Variants in EGFR observed in about 807,000 individuals in gnomAD.
EGFR encodes avian erythroblastic leukemia viral (v-erb-b) oncogene homolog.
Under a neutral mutation model 143.0 loss-of-function variants are expected in EGFR, and 58 were observed. The observed-to-expected ratio is 0.41, with a 90% CI of 0.33 to 0.50. The LOEUF is 0.50. Among genes scored for constraint, EGFR ranks in the 20% least tolerant of loss-of-function variants. EGFR has a pLI of 0.39. For synonymous variants in EGFR, 613 were observed against 594.4 expected, an observed-to-expected ratio of 1.03 and a Z score of -0.45; for missense variants, 1,307 against 1,579.0, an observed-to-expected ratio of 0.83 and a Z score of 2.92.
intron 1 of EGFR, among the ~76,000 whole-genome samples, chr7:55,095,168 A>G (rs1249742772): frequency 6.6e-6 from 1 of 152,238 alleles, no homozygotes; most frequent in Non-Finnish European, 1.5e-5. Context: ...GAAAAGCTGC[A>G]GGTCCCGCAA....
intron 22 of EGFR, among the ~76,000 whole-genome samples, chr7:55,198,239 G>A (rs946540551): frequency 6.6e-6 from 1 of 152,056 alleles, no homozygotes; most frequent in Non-Finnish European, 1.5e-5. Flanking sequence ...TTATCAAATG[G>A]AACTTAAGCT....
intron 1 of EGFR, among the ~76,000 whole-genome samples, chr7:55,036,183 C>A (rs1173995109): frequency 6.9e-6 from 1 of 144,058 alleles, no homozygotes; most frequent in Non-Finnish European, 1.5e-5. Flanking sequence ...TTGAACAAAC[C>A]AGATACTTCC....
intron 1 of EGFR, among the ~76,000 whole-genome samples, chr7:55,131,501 C>T (rs1004856763): frequency 7.2e-5 from 11 of 152,274 alleles, no homozygotes; most frequent in Admixed American, 5.9e-4. Flanking sequence ...GACAAGATGA[C>T]GACGACTCAG....
rs373990043 is a variant in EGFR, at chr7:55,202,603, C to A, written c.3249C>A (p.Asp1083Glu). 6.2e-7 allele frequency: 1 copy of A among 1,613,248 alleles called. No individual in the cohort carries two copies. The highest frequency in any genetic ancestry group is 1.3e-5 in the African/African-American group (1 of 74,994). ...PTGALTEDSI[D>E]DTFLPVPEYI... ...GCGCCTTGACTGAGGACAGCATAGACGACACCTTCCTCCCAGTGCCTGGTG... is the reference window on the plus strand; with the variant it reads ...GCGCCTTGACTGAGGACAGCATAGAAGACACCTTCCTCCCAGTGCCTGGTG... Residue 1083 changes from aspartate to glutamate, a missense_variant, in exon 27 of 28, where the codon GAC becomes GAA. Asp to Glu is a conservative substitution (Grantham distance 45). Transcript: ENST00000275493.
intron 2 of EGFR, among the ~76,000 whole-genome samples, chr7:55,143,051 G>C (rs1053055462): frequency 1.3e-5 from 2 of 152,216 alleles, no homozygotes; most frequent in African/African-American, 4.8e-5. Flanking sequence ...AGGCATGAGA[G>C]CACAGTGTTC....
rs4947987 is a variant in EGFR, at chr7:55,157,477, G to C, written c.1208-186G>C. Among the ~76,000 whole-genome samples, 133,306 of 152,268 alleles carry C rather than the reference G, an allele frequency of 0.88. 58,534 individuals carry two copies. The highest frequency in any genetic ancestry group is 1 in the East Asian group (5,182 of 5,184). Reference sequence around the variant, plus strand: ...GGAAGGCGGGAGGCAGCTGTGAACTGTGGCTCGGCCTGCGTCCGCCCTGCG... The same window carrying C: ...GGAAGGCGGGAGGCAGCTGTGAACTCTGGCTCGGCCTGCGTCCGCCCTGCG... On this transcript the variant is annotated intron_variant, in intron 10 of 27. Transcript: ENST00000275493.
chr7:55,118,014 G>A (rs527953436), intron 1 of EGFR, among the ~76,000 whole-genome samples: 6 of 152,318 alleles, frequency 3.9e-5, no homozygotes, highest in African/African-American at 1.2e-4. Context: ...CAGACTCGGC[G>A]TGTCTATAAA....
intron 1 of EGFR, among the ~76,000 whole-genome samples, chr7:55,022,002 C>G (rs1390228366): frequency 6.6e-6 from 1 of 152,112 alleles, no homozygotes; most frequent in East Asian, 1.9e-4. Context: ...GTGCAAATGT[C>G]TAATGTCAGA....
At position 55,181,506 on chromosome 7, in the gene EGFR, G is replaced by A. The variant is rs142870179; in HGVS notation, c.2469+28G>A. On this transcript the variant is annotated intron_variant, in intron 20 of 27. Coordinates refer to ENST00000275493, the MANE Select transcript of EGFR (RefSeq NM_005228.5). ...AATCAGGGAAGGGAGATACGGGGAGGGGAGATAAGGAGCCAGGATCCTCAC... is the reference window on the plus strand; with the variant it reads ...AATCAGGGAAGGGAGATACGGGGAGAGGAGATAAGGAGCCAGGATCCTCAC... 1.2e-5 allele frequency: 20 copies of A among 1,614,016 alleles called. No homozygotes were observed. The South Asian group carries it at 1.8e-4, about 14-fold the overall frequency.
chr7:55,195,025 A>G (rs1210585355), intron 22 of EGFR, among the ~76,000 whole-genome samples: 1 of 152,168 alleles, frequency 6.6e-6, no homozygotes, highest in Non-Finnish European at 1.5e-5. Context: ...CCCATTCTCC[A>G]CCTAACACTG....
intron 1 of EGFR, among the ~76,000 whole-genome samples, chr7:55,081,792 T>C (rs962118005): frequency 2.6e-5 from 4 of 151,634 alleles, no homozygotes; most frequent in African/African-American, 4.9e-5. Flanking sequence ...ATTTACTCTG[T>C]AAGGAATTCT....
chr7:55,069,174 G>A (rs773622099), intron 1 of EGFR, among the ~76,000 whole-genome samples: 7 of 152,204 alleles, frequency 4.6e-5, no homozygotes, highest in Non-Finnish European at 8.8e-5. Flanking sequence ...AATGCTCTAT[G>A]GTTAATTTTT....
chr7:55,121,866 G>C (rs1462772028), intron 1 of EGFR, among the ~76,000 whole-genome samples: 6 of 152,168 alleles, frequency 3.9e-5, no homozygotes, highest in Non-Finnish European at 4.4e-5. Flanking sequence ...CAGTGACCTT[G>C]ACTGGGAATG....
At chr7:55,196,096 A>C (rs991447666) in intron 22 of EGFR, among the ~76,000 whole-genome samples, 2 of 151,116 alleles carry the variant, frequency 1.3e-5, no homozygotes, top group African/African-American at 4.9e-5. Flanking sequence ...ACTCTTTTCC[A>C]CAATAATTGA....
intron 1 of EGFR, among the ~76,000 whole-genome samples, chr7:55,102,192 C>T (rs534836725): frequency 6.6e-6 from 1 of 152,186 alleles, no homozygotes; most frequent in African/African-American, 2.4e-5. Flanking sequence ...AGAGCCTCAG[C>T]TCCCCACTCC....
chr7:55,031,417 G>C (rs533741582), intron 1 of EGFR, among the ~76,000 whole-genome samples: 17 of 152,326 alleles, frequency 1.1e-4, no homozygotes, highest in African/African-American at 4.1e-4. Flanking sequence ...TGATGAAGTG[G>C]GACAACATGA....
intron 1 of EGFR, among the ~76,000 whole-genome samples, chr7:55,036,271 T>TGTGGGGGGGGG (rs1414370413): frequency 4.5e-5 from 1 of 22,380 alleles, no homozygotes; most frequent in African/African-American, 1.8e-4. Context: ...TGTGTGTGTG[T>TGTGGGGGGGGG]GGGGGGGGGG....
At chr7:55,136,985 G>T (rs1794179548) in intron 1 of EGFR, among the ~76,000 whole-genome samples, 1 of 152,222 alleles carries the variant, frequency 6.6e-6, no homozygotes, top group South Asian at 2.1e-4. Context: ...GGTAGGGAAA[G>T]ATGGATAACA....
chr7:55,071,057 C>A (rs914695939), intron 1 of EGFR, among the ~76,000 whole-genome samples: 5 of 152,182 alleles, frequency 3.3e-5, no homozygotes, highest in African/African-American at 1.2e-4. Flanking sequence ...GGAGACAGCC[C>A]CAGAGGTGGA....
Sources: gnomAD v4.1 joint callset for allele counts (sites outside exome capture counted in the v4.1 genomes callset) on GRCh38, gnomAD v4.1.1 for gene constraint, MANE v1.5 for transcripts, NCBI Gene and HGNC (gene_info 2026-07-23, HGNC 2026-07-21) for gene names.